Variants in PRDM16 observed in about 807,000 individuals in gnomAD.
The protein encoded by PRDM16 is PR/SET domain 16.
Under a neutral mutation model 110.6 loss-of-function variants are expected in PRDM16, and 23 were observed. That is an observed-to-expected ratio of 0.21 (90% CI 0.15 to 0.29). The LOEUF (loss-of-function observed/expected upper bound fraction) is 0.29, where lower values mean the gene tolerates loss of function less well. Among genes scored for constraint, PRDM16 ranks in the 10% least tolerant of loss-of-function variants. The pLI, the probability that PRDM16 is intolerant of heterozygous loss-of-function variation, is 1.00. For synonymous variants in PRDM16, 799 were observed against 781.8 expected, an observed-to-expected ratio of 1.02 and a Z score of -0.37; for missense variants, 1,615 against 1,794.3, an observed-to-expected ratio of 0.90 and a Z score of 1.81.
At chr1:3,345,426 G>A (rs1046070334) in intron 3 of PRDM16, among the ~76,000 whole-genome samples, 12 of 152,218 alleles carry the variant, frequency 7.9e-5, no homozygotes, top group African/African-American at 2.4e-4. Context: ...ACAGCCACAC[G>A]CACCTCCACT....
Position 3,370,242 on chromosome 1 carries a change from T to G in PRDM16, c.439-14910T>G, listed in dbSNP as rs777216645. ...GGGGAAAATTGCAACCATAACACTTTCCAGAGGACAATGATCTGGAAAATG... is the reference window on the plus strand; with the variant it reads ...GGGGAAAATTGCAACCATAACACTTGCCAGAGGACAATGATCTGGAAAATG... On this transcript the variant is annotated intron_variant, in intron 3 of 16. Coordinates refer to ENST00000270722, the MANE Select transcript of PRDM16 (RefSeq NM_022114.4). The surrounding 1 kb of genome is among the most constrained non-coding windows in gnomAD (Gnocchi z 4.8). Among the ~76,000 whole-genome samples, 1 of 152,030 alleles carries G rather than the reference T, an allele frequency of 6.6e-6. No homozygotes were observed.
intron 6 of PRDM16, among the ~76,000 whole-genome samples, chr1:3,403,903 C>G (rs1437532690): frequency 1.3e-5 from 2 of 152,210 alleles, no homozygotes; most frequent in Non-Finnish European, 2.9e-5. Context: ...GACGGCAAAC[C>G]CTCCACCCGG....
At chr1:3,277,970 G>A (rs2100315383) in intron 3 of PRDM16, among the ~76,000 whole-genome samples, 1 of 152,346 alleles carries the variant, frequency 6.6e-6, no homozygotes, top group African/African-American at 2.4e-5. Flanking sequence ...GGAGCTCTAG[G>A]TCAGCGATCA....
intron 1 of PRDM16, among the ~76,000 whole-genome samples, chr1:3,142,684 C>G (rs868806671): frequency 3.3e-5 from 5 of 152,202 alleles, no homozygotes; most frequent in Middle Eastern, 3.4e-3. Context: ...GATTCCCAAG[C>G]CTCGTGCTCC....
intron 3 of PRDM16, among the ~76,000 whole-genome samples, chr1:3,341,488 G>A (rs1350627250): frequency 6.6e-6 from 1 of 152,136 alleles, no homozygotes; most frequent in African/African-American, 2.4e-5. Context: ...ATCAGTGTCC[G>A]GCCAGCCTGG....
rs368829478 is a variant in PRDM16 at position 3,384,388 on chromosome 1, C to T, written c.439-764C>T. Among the ~76,000 whole-genome samples the T allele has an allele frequency of 4.6e-5, 7 of 152,270 alleles. No homozygotes were observed. The South Asian group carries it at 8.3e-4, about 18-fold the overall frequency. On this transcript the variant is annotated intron_variant, in intron 3 of 16. Coordinates refer to ENST00000270722, the MANE Select transcript of PRDM16 (RefSeq NM_022114.4). ...TGGGGGAGGCTGGGGGGCCTGCAGCCGCCACCCATGGTCAGGCTGTTTGAG... is the reference window on the plus strand; with the variant it reads ...TGGGGGAGGCTGGGGGGCCTGCAGCTGCCACCCATGGTCAGGCTGTTTGAG...
intron 8 of PRDM16, among the ~76,000 whole-genome samples, chr1:3,409,897 G>A (rs1238307318): frequency 2.4e-5 from 3 of 127,604 alleles, no homozygotes; most frequent in African/African-American, 9.5e-5. Context: ...GCATGTGTGT[G>A]GTGTGGTTGT....
chr1:3,108,799 C>T (rs1642721831), intron 1 of PRDM16, among the ~76,000 whole-genome samples: 1 of 152,050 alleles, frequency 6.6e-6, no homozygotes, highest in South Asian at 2.1e-4. Context: ...AGAGGCAGTG[C>T]CCCCTTAGTG....
At chr1:3,252,649 C>T (rs1169734901) in intron 3 of PRDM16, among the ~76,000 whole-genome samples, 3 of 152,110 alleles carry the variant, frequency 2.0e-5, no homozygotes, top group African/African-American at 7.2e-5. Flanking sequence ...AGCCAGGTCC[C>T]AGGAGAAGGT....
intron 3 of PRDM16, among the ~76,000 whole-genome samples, chr1:3,285,217 C>T (rs1640817809): frequency 6.6e-6 from 1 of 152,148 alleles, no homozygotes; most frequent in African/African-American, 2.4e-5. Context: ...GGAGCAAAGT[C>T]TGGCCTGGGG....
At chr1:3,403,372 C>A (rs567077880) in intron 6 of PRDM16, among the ~76,000 whole-genome samples, 1 of 152,366 alleles carries the variant, frequency 6.6e-6, no homozygotes, top group South Asian at 2.1e-4. Flanking sequence ...AGCCGCTAAG[C>A]CCAAGGCTAC....
At chr1:3,426,665 G>T (rs531644228) in intron 14 of PRDM16, among the ~76,000 whole-genome samples, 80 of 152,166 alleles carry the variant, frequency 5.3e-4, no homozygotes, top group African/African-American at 1.7e-3. Context: ...TGCACACATA[G>T]GTATGCCCCG....
At chr1:3,276,084 C>T (rs61314788) in intron 3 of PRDM16, among the ~76,000 whole-genome samples, 1 of 152,366 alleles carries the variant, frequency 6.6e-6, no homozygotes, top group African/African-American at 2.4e-5. Flanking sequence ...TTACCCACAG[C>T]CAGGACTTGC....
intron 3 of PRDM16, among the ~76,000 whole-genome samples, chr1:3,311,122 G>T (rs1411837782): frequency 6.6e-6 from 1 of 152,216 alleles, no homozygotes; most frequent in Non-Finnish European, 1.5e-5. Flanking sequence ...GAGCAGTGAG[G>T]TGGGGAAGGG....
chr1:3,345,904 C>G (rs541012357), intron 3 of PRDM16, among the ~76,000 whole-genome samples: 1 of 152,278 alleles, frequency 6.6e-6, no homozygotes, highest in African/African-American at 2.4e-5. Flanking sequence ...TACACAGTCC[C>G]CCCACCCTGG....
intron 3 of PRDM16, among the ~76,000 whole-genome samples, chr1:3,362,365 C>A (rs1438032268): frequency 6.6e-6 from 1 of 152,184 alleles, no homozygotes; most frequent in Non-Finnish European, 1.5e-5. Context: ...GGGAACCAGG[C>A]AATCAAAGCA....
intron 1 of PRDM16, among the ~76,000 whole-genome samples, chr1:3,155,486 G>A (rs897567180): frequency 6.6e-6 from 1 of 152,178 alleles, no homozygotes; most frequent in African/African-American, 2.4e-5. Context: ...GCAGAAAAGG[G>A]GCCCCTCCAT....
intron 4 of PRDM16, among the ~76,000 whole-genome samples, chr1:3,389,429 G>A (rs966479680): frequency 6.6e-6 from 1 of 152,204 alleles, no homozygotes; most frequent in Non-Finnish European, 1.5e-5. Context: ...CTATGGCGTG[G>A]GGCTGAGGGG....
Position 3,143,949 on chromosome 1 carries a change from A to C in PRDM16, c.38-42176A>C, listed in dbSNP as rs1262576370. Among the ~76,000 whole-genome samples, 1 of 152,158 alleles carries C rather than the reference A, an allele frequency of 6.6e-6. No individual in the cohort carries two copies. The highest frequency in any genetic ancestry group is 1.9e-4 in the East Asian group (1 of 5,192). ...TAGTCGTAGTGAAGGCTCCACAAGC[A>C]CTTTTGAGGCCAGGGGGAAGATGCT... On this transcript the variant is annotated intron_variant, in intron 1 of 16. Coordinates refer to ENST00000270722, the MANE Select transcript of PRDM16 (RefSeq NM_022114.4). The surrounding 1 kb of genome is among the most constrained non-coding windows in gnomAD (Gnocchi z 4.5).
Sources: allele counts gnomAD v4.1 joint callset (sites outside exome capture counted in the v4.1 genomes callset), GRCh38; gene constraint gnomAD v4.1.1; non-coding constraint Gnocchi (gnomAD v3.1); transcripts MANE v1.5; gene names NCBI Gene and HGNC (gene_info 2026-07-23, HGNC 2026-07-21).